PPA2: variants seen among roughly 807,000 people sequenced by gnomAD.
PPA2 encodes the protein inorganic pyrophosphatase 2, mitochondrial.
Under a neutral mutation model 49.5 loss-of-function variants are expected in PPA2, and 48 were observed. That is an observed-to-expected ratio of 0.97 (90% confidence interval 0.77 to 1.23). PPA2 has a LOEUF of 1.23. Among genes scored for constraint, PPA2 ranks in the 50% most tolerant of loss-of-function variants. The probability of loss-of-function intolerance (pLI) is 0.00; values close to 1 mark genes in which losing one functional copy is unlikely to be tolerated. For synonymous variants in PPA2, 131 were observed against 139.9 expected, an observed-to-expected ratio of 0.94 and a Z score of 0.45; for missense variants, 429 against 410.1, an observed-to-expected ratio of 1.05 and a Z score of -0.40.
chr4:105,440,257 C>T (rs2636737), intron 5 of PPA2, among the ~76,000 whole-genome samples: 4 of 151,252 alleles, frequency 2.6e-5, no homozygotes, highest in Non-Finnish European at 4.4e-5. Flanking sequence ...ATAGGAAGAT[C>T]TTTTTTTCTT....
At chr4:105,438,132 T>A (rs1285504721) in intron 5 of PPA2, 96 bp from the exon 6 acceptor site, 1 of 851,854 alleles carries the variant, frequency 1.2e-6, no homozygotes, top group African/African-American at 1.8e-5. Context: ...TAGATAACAA[T>A]AATCCAAAGA....
At chr4:105,438,521 A>C (rs1459871351) in intron 5 of PPA2, among the ~76,000 whole-genome samples, 1 of 152,194 alleles carries the variant, frequency 6.6e-6, no homozygotes, top group Non-Finnish European at 1.5e-5. Context: ...AAGAAAATAA[A>C]AACCTATTTT....
At chr4:105,454,344 T>C (rs1722795414) in intron 2 of PPA2, among the ~76,000 whole-genome samples, 1 of 151,398 alleles carries the variant, frequency 6.6e-6, no homozygotes, top group Non-Finnish European at 1.5e-5. Context: ...GTTGTTGTTT[T>C]TGAGACAGAG....
intron 9 of PPA2, among the ~76,000 whole-genome samples, chr4:105,395,421 T>A (rs973204709): frequency 8.0e-5 from 10 of 125,280 alleles, no homozygotes; most frequent in African/African-American, 2.5e-4. Context: ...TTACCAAGAG[T>A]CAGTTGTTTT....
chr4:105,443,142 TGA>T (rs1464148335), intron 5 of PPA2, among the ~76,000 whole-genome samples: 1 of 151,964 alleles, frequency 6.6e-6, no homozygotes, highest in Non-Finnish European at 1.5e-5. Context: ...AAATAAAGTA[TGA>T]GAGGGGGAAT....
intron 7 of PPA2, chr4:105,405,535 G>T: frequency 1.1e-6 from 1 of 928,848 alleles, no homozygotes; most frequent in Non-Finnish European, 1.3e-6. Flanking sequence ...CTTGAGTGAA[G>T]TACTTATAAA....
intron 1 of PPA2, chr4:105,473,689 T>C (rs1723632521): frequency 2.3e-6 from 2 of 861,710 alleles, no homozygotes; most frequent in South Asian, 1.3e-5. Context: ...CTTTGGGGTC[T>C]TGATCCGCCG....
At chr4:105,415,821 G>A (rs559827373) in intron 7 of PPA2, among the ~76,000 whole-genome samples, 1 of 152,290 alleles carries the variant, frequency 6.6e-6, no homozygotes, top group African/African-American at 2.4e-5. Context: ...TTGTAAATGA[G>A]GTATTATTTA....
intron 7 of PPA2, among the ~76,000 whole-genome samples, chr4:105,414,890 G>A (rs1216167380): frequency 6.6e-6 from 1 of 152,158 alleles, no homozygotes; most frequent in East Asian, 1.9e-4. Flanking sequence ...AGTACAGCTC[G>A]CAGAAGATCA....
At chr4:105,371,227 A>G (rs1451677873) in intron 10 of PPA2, among the ~76,000 whole-genome samples, 2 of 152,202 alleles carry the variant, frequency 1.3e-5, no homozygotes, top group African/African-American at 4.8e-5. Context: ...ATTTAAATAT[A>G]TGTTTGTTCA....
intron 10 of PPA2, among the ~76,000 whole-genome samples, chr4:105,376,169 G>A (rs111553357): frequency 0.02 from 3,098 of 152,276 alleles, 49 homozygotes; most frequent in Middle Eastern, 0.061. Context: ...TGGGATGACT[G>A]ATAACGTTTT....
intron 1 of PPA2, among the ~76,000 whole-genome samples, chr4:105,470,649 C>A (rs190478578): frequency 6.6e-6 from 1 of 152,208 alleles, no homozygotes; most frequent in African/African-American, 2.4e-5. Context: ...AGTCTAATGT[C>A]TTAAAGTCAA....
intron 6 of PPA2, among the ~76,000 whole-genome samples, chr4:105,425,754 AC>A (rs1723474210): frequency 6.6e-6 from 1 of 151,450 alleles, no homozygotes; most frequent in South Asian, 2.1e-4. Flanking sequence ...ACACACACAC[AC>A]ACACACACCC....
chr4:105,370,901 C>T (rs769963432), intron 10 of PPA2, 28 bp from the exon 11 acceptor site: 8 of 1,448,246 alleles, frequency 5.5e-6, no homozygotes, highest in Admixed American at 5.2e-5. Context: ...GAAAGAATCT[C>T]TGTTACAATA....
At chr4:105,405,898 A>G in intron 7 of PPA2, 1 of 453,882 alleles carries the variant, frequency 2.2e-6, no homozygotes. Flanking sequence ...CTGTCAAGTG[A>G]AGGCAGGATG....
rs116631782 is a variant in PPA2, at chr4:105,439,984, T to C, written c.442-1948A>G. Among the ~76,000 whole-genome samples, 882 of 152,006 alleles carry C rather than the reference T, an allele frequency of 5.8e-3. 9 individuals carry two copies. Among genetic ancestry groups the C allele is most frequent in the African/African-American group, 0.021 (857 of 41,418 alleles). On this transcript the variant is annotated intron_variant, in intron 5 of 11. Transcript: ENST00000341695. Reference sequence around the variant, plus strand: ...TTTGCTGAGAATGATAATCTTAACGTGCTGGGGAAACCAGGATGGGACACC... The same window carrying C: ...TTTGCTGAGAATGATAATCTTAACGCGCTGGGGAAACCAGGATGGGACACC...
chr4:105,405,466 GTTAAA>G, intron 7 of PPA2: 2 of 890,824 alleles, frequency 2.2e-6, no homozygotes, highest in Non-Finnish European at 2.7e-6. Flanking sequence ...CTGTGTTGAA[GTTAAA>G]TTAACCCCTC....
intron 7 of PPA2, among the ~76,000 whole-genome samples, chr4:105,406,657 G>A (rs1457805819): frequency 6.6e-6 from 1 of 152,180 alleles, no homozygotes; most frequent in Non-Finnish European, 1.5e-5. Flanking sequence ...CCATGCATAT[G>A]AAAGTCTCAC....
intron 1 of PPA2, among the ~76,000 whole-genome samples, chr4:105,471,358 C>G (rs1723516568): frequency 6.6e-6 from 1 of 152,128 alleles, no homozygotes; most frequent in South Asian, 2.1e-4. Context: ...AAGTTTAACA[C>G]CAATTTTTTT....
Sources: gnomAD v4.1 joint callset for allele counts (sites outside exome capture counted in the v4.1 genomes callset) on GRCh38, gnomAD v4.1.1 for gene constraint, MANE v1.5 for transcripts, NCBI Gene and HGNC (gene_info 2026-07-23, HGNC 2026-07-21) for gene names.